Variants in RARB observed in about 807,000 individuals in gnomAD.
The protein encoded by RARB is retinoic acid receptor beta.
A neutral mutation model predicts 51.9 loss-of-function variants in RARB; 17 were observed. The observed-to-expected ratio is 0.33, with a 90% CI of 0.22 to 0.49. RARB has a LOEUF of 0.49. Among genes scored for constraint, RARB ranks in the 20% least tolerant of loss-of-function variants. The pLI is 0.99. For missense variants in RARB, 369 were observed against 550.8 expected, an observed-to-expected ratio of 0.67 and a Z score of 3.30; for synonymous variants, 215 against 195.4, an observed-to-expected ratio of 1.10 and a Z score of -0.84.
intron 2 of RARB, among the ~76,000 whole-genome samples, chr3:24,939,748 C>G (rs758272307): frequency 6.6e-6 from 1 of 152,220 alleles, no homozygotes; most frequent in Non-Finnish European, 1.5e-5. Flanking sequence ...CAATTACACT[C>G]TTCTGGGCTT....
chr3:25,394,724 T>C (rs56252700), intron 5 of RARB, among the ~76,000 whole-genome samples: 22,366 of 152,150 alleles, frequency 0.15, 2,143 homozygotes, highest in Admixed American at 0.29. Context: ...AGCTAGTCCT[T>C]CTTGTTTTGG....
intron 3 of RARB, among the ~76,000 whole-genome samples, chr3:25,083,249 T>A (rs536887006): frequency 6.6e-6 from 1 of 152,302 alleles, no homozygotes; most frequent in South Asian, 2.1e-4. Flanking sequence ...ATATTTCTTC[T>A]TACCAAATCT....
At chr3:25,120,304 C>T (rs755562151) in intron 3 of RARB, among the ~76,000 whole-genome samples, 2 of 152,062 alleles carry the variant, frequency 1.3e-5, no homozygotes, top group Non-Finnish European at 2.9e-5. Context: ...AGATTACATA[C>T]TCCTTTTAAA....
At chr3:25,170,999 T>C (rs1177438003) in intron 4 of RARB, among the ~76,000 whole-genome samples, 1 of 151,568 alleles carries the variant, frequency 6.6e-6, no homozygotes. Context: ...ATACCGACAA[T>C]TATTATTTTA....
chr3:25,104,959 T>C (rs1699471222), intron 3 of RARB, among the ~76,000 whole-genome samples: 1 of 152,212 alleles, frequency 6.6e-6, no homozygotes. Context: ...GTTCTATTTC[T>C]AAATCTGAAT....
At chr3:25,033,870 T>C (rs1697929530) in intron 2 of RARB, among the ~76,000 whole-genome samples, 1 of 152,200 alleles carries the variant, frequency 6.6e-6, no homozygotes, top group Admixed American at 6.5e-5. Context: ...CAAACGTATA[T>C]TCAAGAACGT....
intron 2 of RARB, among the ~76,000 whole-genome samples, chr3:25,034,195 G>A (rs1369378372): frequency 6.6e-6 from 1 of 152,076 alleles, no homozygotes; most frequent in Non-Finnish European, 1.5e-5. Flanking sequence ...CTGTAATCCC[G>A]GCTACTCAGG....
intron 5 of RARB, among the ~76,000 whole-genome samples, chr3:25,264,617 A>G (rs1007569268): frequency 1.3e-5 from 2 of 152,198 alleles, no homozygotes; most frequent in Admixed American, 1.3e-4. Flanking sequence ...AGACACTAAC[A>G]TTTATTAATT....
chr3:25,253,962 G>GGATATC (rs1702795368), intron 5 of RARB, among the ~76,000 whole-genome samples: 1 of 152,092 alleles, frequency 6.6e-6, no homozygotes, highest in Non-Finnish European at 1.5e-5. Context: ...AAGAATAAAA[G>GGATATC]GATATCATTG....
chr3:25,095,481 G>A (rs912790315), intron 3 of RARB, among the ~76,000 whole-genome samples: 3 of 152,128 alleles, frequency 2.0e-5, no homozygotes, highest in African/African-American at 7.2e-5. Flanking sequence ...AAGTGATTCC[G>A]ATGCAAGCCA....
chr3:25,265,447 C>T (rs1330509368), intron 5 of RARB, among the ~76,000 whole-genome samples: 1 of 152,122 alleles, frequency 6.6e-6, no homozygotes, highest in Non-Finnish European at 1.5e-5. Context: ...AAAACAACCA[C>T]AAATTTGGCA....
rs185271185 is a variant in RARB at position 25,194,572 on chromosome 3, A to T, written c.178+19997A>T. Among the ~76,000 whole-genome samples the T allele has an allele frequency of 2.4e-4, 36 of 151,100 alleles. No homozygotes were observed. In the East Asian group the frequency reaches 6.1e-3, roughly 25 times the overall value. On this transcript the variant is annotated intron_variant, in intron 5 of 11. Coordinates refer to the RARB transcript ENST00000383772. ...ATGTTGTACACCTTAAATACATACA[A>T]TTTAATAAAAAGATTACCCGGAAGT...
At chr3:25,052,130 G>GCC (rs1376242504) in intron 2 of RARB, among the ~76,000 whole-genome samples, 1 of 152,166 alleles carries the variant, frequency 6.6e-6, no homozygotes, top group Non-Finnish European at 1.5e-5. Context: ...AAGCTAATTG[G>GCC]CCTACACCTA....
At chr3:25,025,814 C>A (rs955977843) in intron 2 of RARB, among the ~76,000 whole-genome samples, 1 of 151,934 alleles carries the variant, frequency 6.6e-6, no homozygotes. Flanking sequence ...TGTCTATGGC[C>A]CATATAAATC....
intron 3 of RARB, among the ~76,000 whole-genome samples, chr3:25,083,006 G>A (rs1330387186): frequency 6.6e-6 from 1 of 151,788 alleles, no homozygotes; most frequent in Non-Finnish European, 1.5e-5. Flanking sequence ...TTGCCTTCTT[G>A]CCTGTATTAT....
Position 25,569,934 on chromosome 3 carries a change from G to GC in RARB, c.609+20dup. ...ATACACCACGGTAAGAGATACTCCT[G>GC]CCCCAGGCTGCTGGGAGTGTGGAAA... On this transcript the variant is annotated intron_variant, in intron 4 of 7. Coordinates refer to ENST00000330688, the MANE Select transcript of RARB (RefSeq NM_000965.5). 6.2e-7 allele frequency: 1 copy of GC among 1,610,136 alleles called. No individual in the cohort carries two copies. Among genetic ancestry groups the GC allele is most frequent in the East Asian group, 2.2e-5 (1 of 44,830 alleles).
chr3:25,569,588 C>T (rs1009073246), intron 3 of RARB, among the ~76,000 whole-genome samples, 170 bp from the exon 4 acceptor site: 3 of 152,224 alleles, frequency 2.0e-5, no homozygotes, highest in South Asian at 2.1e-4. Context: ...CGGGGTCCCG[C>T]GGCTGCCAAA....
At chr3:24,870,458 C>A (rs1331871067) in intron 2 of RARB, among the ~76,000 whole-genome samples, 1 of 151,972 alleles carries the variant, frequency 6.6e-6, no homozygotes, top group African/African-American at 2.4e-5. Flanking sequence ...TTTTTCTGGG[C>A]TCTTAGTTAT....
At chr3:24,986,809 T>C (rs1365536912) in intron 2 of RARB, among the ~76,000 whole-genome samples, 1 of 152,094 alleles carries the variant, frequency 6.6e-6, no homozygotes, top group African/African-American at 2.4e-5. Context: ...CCCTGTTAAC[T>C]CCTGATTGCT....
Sources: gnomAD v4.1 joint callset for allele counts (sites outside exome capture counted in the v4.1 genomes callset) on GRCh38, gnomAD v4.1.1 for gene constraint, MANE v1.5 for transcripts, NCBI Gene and HGNC (gene_info 2026-07-23, HGNC 2026-07-21) for gene names.